LOXHD1: variants seen among roughly 807,000 people sequenced by gnomAD.
LOXHD1 encodes lipoxygenase homology PLAT domains 1, also known as lipoxygenase homology domain-containing protein 1.
A neutral mutation model predicts 248.2 loss-of-function variants in LOXHD1; 205 were observed. The ratio of observed to expected loss-of-function variants is 0.83; its 90% CI spans 0.74 to 0.93. The LOEUF (loss-of-function observed/expected upper bound fraction) is 0.93. LOXHD1 is among the 40% of genes least tolerant of loss of function. The pLI is 0.00. For missense variants in LOXHD1, 2,930 were observed against 2,971.6 expected, an observed-to-expected ratio of 0.99 and a Z score of 0.33; for synonymous variants, 1,113 against 1,162.8, an observed-to-expected ratio of 0.96 and a Z score of 0.87.
At chr18:46,563,958 A>T (rs1170937108) in intron 17 of LOXHD1, among the ~76,000 whole-genome samples, 1 of 152,230 alleles carries the variant, frequency 6.6e-6, no homozygotes, top group African/African-American at 2.4e-5. Flanking sequence ...CACTCCAGAA[A>T]AAACAAGCTC....
In LOXHD1 at chr18:46,477,679, G is replaced by GCGA; in HGVS notation, c.6614_6615insTCG (p.Arg2205dup). 6.4e-7 allele frequency: 1 copy of GCGA among 1,551,896 alleles called. No homozygotes were observed. Among genetic ancestry groups the GCGA allele is most frequent in the Non-Finnish European group, 8.7e-7 (1 of 1,147,036 alleles). On this transcript the variant is annotated inframe_insertion, in exon 41 of 41. Transcript: ENST00000642948. ...CCAGCTCCAGCGTCTCCAGGAAGAA[G>GCGA]CGGTCTGTGCTGCCCCGCTCGAAGA...
At chr18:46,576,497 C>CTT in intron 14 of LOXHD1, among the ~76,000 whole-genome samples, 1 of 152,128 alleles carries the variant, frequency 6.6e-6, no homozygotes. Context: ...CTAGGTGGCC[C>CTT]ACCCTCCCTT....
At chr18:46,646,831 T>G (rs140740095) in intron 2 of LOXHD1, among the ~76,000 whole-genome samples, 3 of 152,358 alleles carry the variant, frequency 2.0e-5, no homozygotes, top group African/African-American at 7.2e-5. Flanking sequence ...CTGATACCAC[T>G]GGCCTTTGCC....
chr18:46,577,758 A>T lies in LOXHD1; in HGVS notation c.1919T>A (p.Val640Glu). The T allele has an allele frequency of 6.4e-7, 1 of 1,551,508 alleles. No homozygotes were observed. Among genetic ancestry groups the T allele is most frequent in the Non-Finnish European group, 8.7e-7 (1 of 1,146,934 alleles). Reference protein sequence around the residue: ...GSGWYLDRVLVREEGQPESDN... With the variant: ...GSGWYLDRVLEREEGQPESDN... ...GCTCTCAGGCTGCCCCTCCTCTCTC[A>T]CCAGCACTCTGTCCAGGTACCAGCC... Residue 640 changes from valine to glutamate, a missense_variant, in exon 14 of 41, where the codon GTG (valine) becomes GAG (glutamate). By Grantham distance (121) the Val-to-Glu change is moderately radical (BLOSUM62 -2). Transcript: ENST00000642948.
intron 6 of LOXHD1, among the ~76,000 whole-genome samples, chr18:46,605,028 T>C (rs2038391854): frequency 6.6e-6 from 1 of 152,184 alleles, no homozygotes; most frequent in African/African-American, 2.4e-5. Flanking sequence ...ATTCGATCAC[T>C]TTAGAACAGG....
chr18:46,479,462 A>G (rs994954902), intron 40 of LOXHD1, among the ~76,000 whole-genome samples: 1 of 152,096 alleles, frequency 6.6e-6, no homozygotes, highest in African/African-American at 2.4e-5. Flanking sequence ...GCCAGACAGC[A>G]TGGTGGGAAA....
In LOXHD1 at chr18:46,594,438, A is replaced by T. The variant is rs1344737172; in HGVS notation, c.1163T>A (p.Ile388Asn). ...GTTGCTACAAGGGAAGGTCTGCTGG[A>T]TACCAGTGAAGGGGCACAGAATCAC... ...KVVILCPFTG[I>N]QQTFPCSNWL... Residue 388 changes from isoleucine to asparagine, a missense_variant, in exon 9 of 41, where the codon ATC (isoleucine) becomes AAC (asparagine). Coordinates refer to ENST00000642948, the MANE Select transcript of LOXHD1 (RefSeq NM_001384474.1). 1.9e-6 allele frequency: 3 copies of T among 1,551,590 alleles called. No individual in the cohort carries two copies. The highest frequency in any genetic ancestry group is 2.7e-5 in the African/African-American group (2 of 73,142).
chr18:46,607,961 C>G (rs993486375), intron 6 of LOXHD1, among the ~76,000 whole-genome samples: 2 of 150,344 alleles, frequency 1.3e-5, no homozygotes. Context: ...AATGAATAAA[C>G]AAATAGCCTG....
chr18:46,509,806 C>A lies in LOXHD1; in HGVS notation c.5409G>T (p.Arg1803=). ...QLDKKKARFE[R]EQNDTFIMEI... is the part of the protein sequence containing the mutation. ...CCATGATGAAGGTGTCGTTCTGCTC[C>A]CGCTCAAACCTGGGGGTGGAGAGGA... Residue 1803 remains arginine, a synonymous_variant, in exon 35 of 41, where the codon CGG becomes CGT. Coordinates refer to ENST00000642948, the MANE Select transcript of LOXHD1 (RefSeq NM_001384474.1). 1 of 1,550,054 alleles carries A rather than the reference C, an allele frequency of 6.5e-7. No homozygotes were observed. The highest frequency in any genetic ancestry group is 8.7e-7 in the Non-Finnish European group (1 of 1,146,346).
Position 46,540,654 on chromosome 18 carries a change from C to CTTTTTTTTTTTTTTTTTTTTTTTTTT in LOXHD1, c.3913+1121_3913+1122insAAAAAAAAAAAAAAAAAAAAAAAAAA, listed in dbSNP as rs60099172. On this transcript the variant is annotated intron_variant, in intron 25 of 40. Coordinates refer to ENST00000642948, the MANE Select transcript of LOXHD1 (RefSeq NM_001384474.1). ...AAGTCAAACCATACAAACTCTTTAT[C>CTTTTTTTTTTTTTTTTTTTTTTTTTT]TTTTTTTTTTTTTTTTTTTTTTTGG... 3.3e-5 allele frequency among the ~76,000 whole-genome samples: 3 copies of CTTTTTTTTTTTTTTTTTTTTTTTTTT among 91,402 alleles called. 1 individual carries two copies. The highest frequency in any genetic ancestry group is 6.0e-5 in the Non-Finnish European group (3 of 49,832). The allele number at this position is 91,402 out of a possible 152,430, so 60.0% of individuals were successfully genotyped here. A position where few individuals can be genotyped will look rare whatever the true frequency, so the allele number is the denominator to read the frequency against.
intron 37 of LOXHD1, among the ~76,000 whole-genome samples, chr18:46,492,576 A>G (rs1049354022): frequency 1.3e-5 from 2 of 152,192 alleles, no homozygotes; most frequent in Admixed American, 1.3e-4. Context: ...CTTGGAGATT[A>G]TTACGATTTA....
chr18:46,561,198 A>G (rs1171419647), intron 18 of LOXHD1, among the ~76,000 whole-genome samples: 1 of 152,136 alleles, frequency 6.6e-6, no homozygotes, highest in Non-Finnish European at 1.5e-5. Context: ...GAGGGGGTCC[A>G]GGGTTTAGCT....
intron 5 of LOXHD1, among the ~76,000 whole-genome samples, chr18:46,611,180 T>C (rs1468517944): frequency 6.6e-6 from 1 of 152,138 alleles, no homozygotes; most frequent in Non-Finnish European, 1.5e-5. Flanking sequence ...ACTAAACCGA[T>C]TTGTACCCCC....
At chr18:46,597,522 A>G (rs1386123683) in intron 8 of LOXHD1, among the ~76,000 whole-genome samples, 1 of 147,182 alleles carries the variant, frequency 6.8e-6, no homozygotes, top group Non-Finnish European at 1.5e-5. Flanking sequence ...TTAGTGGTAT[A>G]TATTTCAATA....
intron 26 of LOXHD1, among the ~76,000 whole-genome samples, chr18:46,536,474 T>C (rs1390355637): frequency 4.6e-5 from 7 of 151,994 alleles, no homozygotes; most frequent in Non-Finnish European, 1.0e-4. Context: ...TTCCCAGCTC[T>C]CACACTCCCC....
rs1222285017 is a variant in LOXHD1, at chr18:46,601,449, G to T, written c.902C>A (p.Thr301Asn). The T allele has an allele frequency of 6.4e-7, 1 of 1,551,792 alleles. No homozygotes were observed. The highest frequency in any genetic ancestry group is 2.0e-5 in the Admixed American group (1 of 51,010). The change falls in exon 8 of 41, where the codon ACC becomes AAC. Residue 301 changes from threonine to asparagine, a missense_variant. Transcript: ENST00000642948. ...AETTAITYIV[T>N]VFTGDVRGAG... ...CCCCCGGACATCCCCAGTGAAGACG[G>T]TGACAATATACGTAATAGCTGGTGT...
At chr18:46,559,156 C>A in intron 20 of LOXHD1, 2 of 1,395,824 alleles carry the variant, frequency 1.4e-6, no homozygotes, top group Non-Finnish European at 1.9e-6. Flanking sequence ...CCTCTTGAAC[C>A]CCCGCATCCC....
In LOXHD1 at chr18:46,524,908, A is replaced by G; in HGVS notation, c.4540T>C (p.Phe1514Leu). The G allele has an allele frequency of 6.4e-7, 1 of 1,551,642 alleles. No individual in the cohort carries two copies. Among genetic ancestry groups the G allele is most frequent in the Non-Finnish European group, 8.7e-7 (1 of 1,146,982 alleles). Residue 1514 changes from phenylalanine to leucine, a missense_variant, in exon 30 of 41, where the codon TTC (phenylalanine) becomes CTC (leucine). Physicochemically the swap from Phe to Leu is conservative, Grantham distance 22. Transcript: ENST00000642948. ...CCTAGGTCAGCGGCCTCGATGATGA[A>G]GGTGTCAGCCTGGGGAGCCCAGATG... ...NKFERGTADT[F>L]IIEAADLGVI...
At chr18:46,550,168 T>C (rs2037028093) in intron 21 of LOXHD1, among the ~76,000 whole-genome samples, 1 of 152,250 alleles carries the variant, frequency 6.6e-6, no homozygotes, top group Admixed American at 6.5e-5. Flanking sequence ...TTCTGTCATG[T>C]GTTCTGAAAC....
Sources: gnomAD v4.1 joint callset for allele counts (sites outside exome capture counted in the v4.1 genomes callset) on GRCh38, gnomAD v4.1.1 for gene constraint, MANE v1.5 for transcripts, NCBI Gene and HGNC (gene_info 2026-07-23, HGNC 2026-07-21) for gene names.